The following ENDOV variants were observed in gnomAD, a reference collection of about 807,000 sequenced individuals.
The protein encoded by ENDOV is endonuclease V, also known as hEndoV.
In ENDOV, 37 loss-of-function variants were observed where a neutral mutation model predicts 39.4. The observed-to-expected ratio is 0.94, with a 90% CI of 0.72 to 1.23. The LOEUF (loss-of-function observed/expected upper bound fraction) is 1.23. Ranked by LOEUF, ENDOV falls within the 50% of genes most tolerant of loss-of-function variation. The pLI, the probability that ENDOV is intolerant of heterozygous loss-of-function variation, is 0.00. For missense variants in ENDOV, 441 were observed against 375.7 expected (o/e 1.17, Z -1.44); for synonymous variants, 186 against 163.4 (o/e 1.14, Z -1.05).
chr17:80,433,471 C>T (rs2083445084), intron 9 of ENDOV, among the ~76,000 whole-genome samples: 1 of 152,230 alleles, frequency 6.6e-6, no homozygotes, highest in Admixed American at 6.5e-5. Context: ...GGCAGCTCCT[C>T]ACGCCATCCC....
chr17:80,427,465 G>A, intron 7 of ENDOV: 4 of 985,472 alleles, frequency 4.1e-6, no homozygotes, highest in Non-Finnish European at 4.8e-6. Flanking sequence ...GCAAGGATCT[G>A]TGCCTAGCAC....
At chr17:80,416,022 G>A (rs2081094632) in intron 2 of ENDOV, 2 of 565,152 alleles carry the variant, frequency 3.5e-6, no homozygotes, top group Non-Finnish European at 5.9e-6. Flanking sequence ...GGAATCACCT[G>A]AGGTCGGGAG....
chr17:80,428,781 C>T, intron 8 of ENDOV, 121 bp downstream of exon 8: 1 of 956,984 alleles, frequency 1.0e-6, no homozygotes. Flanking sequence ...CAGTGCAGGG[C>T]CAGGGAAGGC....
chr17:80,420,760 C>T (rs1333199343), intron 2 of ENDOV, among the ~76,000 whole-genome samples: 3 of 152,242 alleles, frequency 2.0e-5, no homozygotes, highest in African/African-American at 7.2e-5. Flanking sequence ...AAACTGCAGC[C>T]TCTGCCTCCT....
At chr17:80,430,759 C>T (rs2083285744) in intron 9 of ENDOV, among the ~76,000 whole-genome samples, 4 of 152,182 alleles carry the variant, frequency 2.6e-5, no homozygotes, top group Admixed American at 2.6e-4. Flanking sequence ...TCGGGGGTGG[C>T]ACCGTCCCCA....
At chr17:80,416,441 C>T (rs186820379) in intron 2 of ENDOV, among the ~76,000 whole-genome samples, 3 of 152,180 alleles carry the variant, frequency 2.0e-5, no homozygotes, top group Admixed American at 6.5e-5. Flanking sequence ...TGGGCCCCTC[C>T]GTTCCTCTCG....
intron 7 of ENDOV, among the ~76,000 whole-genome samples, chr17:80,427,170 TG>T (rs1426796699): frequency 6.6e-6 from 1 of 152,110 alleles, no homozygotes; most frequent in African/African-American, 2.4e-5. Flanking sequence ...AGGGCACAGG[TG>T]TGTGGACTCT....
At chr17:80,425,787 GC>G (rs2082624559) in intron 7 of ENDOV, among the ~76,000 whole-genome samples, 167 bp downstream of exon 7, 1 of 152,170 alleles carries the variant, frequency 6.6e-6, no homozygotes, top group African/African-American at 2.4e-5. Context: ...AGCTTGCTGG[GC>G]CCTGCAGTCA....
intron 1 of ENDOV, 176 bp from the exon 2 acceptor site, chr17:80,415,474 C>G: frequency 9.8e-7 from 1 of 1,017,176 alleles, no homozygotes. Context: ...CCTGCGCTTG[C>G]GCGGGTCTCC....
Position 80,425,116 on chromosome 17 carries a change from C to A in ENDOV, c.585+16C>A. 2 of 1,599,688 alleles carry A rather than the reference C, an allele frequency of 1.3e-6. No individual in the cohort carries two copies. Among genetic ancestry groups the A allele is most frequent in the Admixed American group, 1.7e-5 (1 of 58,230 alleles). On this transcript the variant is annotated intron_variant, in intron 6 of 9. Coordinates refer to ENST00000518137, the MANE Select transcript of ENDOV (RefSeq NM_173627.5). ...CCTGGGAATGGTGAGTAGCTAGGGC[C>A]CTGAGCTCCTCCAAAGCCCCGGGGT...
Position 80,436,335 on chromosome 17 carries a change from C to T in ENDOV, c.*192C>T, listed in dbSNP as rs948306597. On this transcript the variant is annotated 3_prime_UTR_variant, in exon 10 of 10. Transcript: ENST00000518137. ...GATCGAACGTGGTGGTGAGAGCACA[C>T]GTCCTTGTCTTGTTCCTGATCTTAA... is the stretch of plus-strand genomic sequence containing the variant. 2.8e-5 allele frequency: 43 copies of T among 1,555,226 alleles called. No individual in the cohort carries two copies. The highest frequency in any genetic ancestry group is 5.4e-5 in the African/African-American group (4 of 73,914).
chr17:80,432,779 G>C (rs1433650658), intron 9 of ENDOV, among the ~76,000 whole-genome samples: 1 of 152,000 alleles, frequency 6.6e-6, no homozygotes, highest in African/African-American at 2.4e-5. Context: ...GGGCGTGTGG[G>C]GGTCTAGGCA....
At chr17:80,419,498 C>G (rs1187727881) in intron 2 of ENDOV, 1 of 680,652 alleles carries the variant, frequency 1.5e-6, no homozygotes, top group Non-Finnish European at 2.7e-6. Flanking sequence ...CTGGTGGAGC[C>G]TGTTGTGTGC....
intron 2 of ENDOV, chr17:80,416,045 C>G (rs1216057573): frequency 8.5e-6 from 4 of 468,012 alleles, no homozygotes; most frequent in African/African-American, 8.3e-5. Context: ...CGAGACCAGC[C>G]TGACCAACAT....
chr17:80,431,767 C>T (rs1325796731), intron 9 of ENDOV, among the ~76,000 whole-genome samples: 1 of 152,212 alleles, frequency 6.6e-6, no homozygotes, highest in East Asian at 1.9e-4. Flanking sequence ...CTCTGCCCTT[C>T]CCACCGAAAG....
At chr17:80,430,236 G>T in intron 9 of ENDOV, 1 of 1,470,942 alleles carries the variant, frequency 6.8e-7, no homozygotes, top group Non-Finnish European at 9.0e-7. Flanking sequence ...CGCATGAGAC[G>T]CTTTCCCGGA....
intron 5 of ENDOV, chr17:80,423,900 G>T: frequency 2.0e-6 from 1 of 498,184 alleles, no homozygotes; most frequent in East Asian, 3.4e-5. Flanking sequence ...GGCACACCAA[G>T]TAGGGCTAAG....
chr17:80,425,705 T>TG, intron 7 of ENDOV, 85 bp downstream of exon 7: 2 of 1,526,924 alleles, frequency 1.3e-6, no homozygotes, highest in South Asian at 2.4e-5. Flanking sequence ...GCAGCTCAGC[T>TG]GGGGTCAGAG....
intron 1 of ENDOV, 43 bp downstream of exon 1, chr17:80,415,293 G>A (rs545715366): frequency 5.0e-6 from 8 of 1,606,022 alleles, no homozygotes; most frequent in African/African-American, 4.0e-5. Flanking sequence ...GGCCGAGGCC[G>A]GGCGGCCCTT....
Sources: gnomAD v4.1 joint callset for allele counts (sites outside exome capture counted in the v4.1 genomes callset) on GRCh38, gnomAD v4.1.1 for gene constraint, MANE v1.5 for transcripts, NCBI Gene and HGNC (gene_info 2026-07-23, HGNC 2026-07-21) for gene names.